DGKI: variants seen among roughly 807,000 people sequenced by gnomAD.
DGKI encodes DAG kinase iota.
In DGKI, 55 loss-of-function variants were observed where a neutral mutation model predicts 147.5. The ratio of observed to expected loss-of-function variants is 0.37; its 90% confidence interval spans 0.30 to 0.47. DGKI has a LOEUF of 0.47. Among genes scored for constraint, DGKI ranks in the 20% least tolerant of loss-of-function variants. The pLI, the probability that DGKI is intolerant of heterozygous loss-of-function variation, is 1.00. For synonymous variants in DGKI, 469 were observed against 477.1 expected, an observed-to-expected ratio of 0.98 and a Z score of 0.22; for missense variants, 1,007 against 1,323.8, an observed-to-expected ratio of 0.76 and a Z score of 3.71.
At chr7:137,404,227 A>G (rs913452716) in intron 30 of DGKI, among the ~76,000 whole-genome samples, 3 of 152,242 alleles carry the variant, frequency 2.0e-5, no homozygotes, top group African/African-American at 7.2e-5. Flanking sequence ...ATATAAACTG[A>G]ATCAGCAACT....
intron 24 of DGKI, among the ~76,000 whole-genome samples, chr7:137,468,901 A>G (rs1271605144): frequency 6.6e-6 from 1 of 152,218 alleles, no homozygotes; most frequent in Non-Finnish European, 1.5e-5. Context: ...TGGGTAGTAG[A>G]TACATTCGGT....
chr7:137,430,883 C>A (rs1326003855), intron 28 of DGKI, among the ~76,000 whole-genome samples: 1 of 151,948 alleles, frequency 6.6e-6, no homozygotes, highest in Non-Finnish European at 1.5e-5. Flanking sequence ...GCTGAGAGAA[C>A]CCCATTCAGG....
intron 27 of DGKI, among the ~76,000 whole-genome samples, chr7:137,444,701 C>T (rs1436096839): frequency 2.6e-5 from 4 of 152,218 alleles, no homozygotes; most frequent in African/African-American, 7.2e-5. Flanking sequence ...TTATCAACAA[C>T]TTTTGCAAAC....
chr7:137,778,534 T>A (rs1411659615), intron 1 of DGKI, among the ~76,000 whole-genome samples: 1 of 151,924 alleles, frequency 6.6e-6, no homozygotes, highest in Non-Finnish European at 1.5e-5. Context: ...TGTCTTCTGT[T>A]AATAGCAAAG....
chr7:137,402,778 T>G lies in DGKI; in HGVS notation c.2920+5097A>C, dbSNP rs373130832. On this transcript the variant is annotated intron_variant, in intron 30 of 32. Transcript: ENST00000614521. ...GCACAGATGTGGGGAGAGCTGGCAC[T>G]GGGAATGCTAACAGTACTGTCATCC... 2.6e-5 allele frequency among the ~76,000 whole-genome samples: 4 copies of G among 152,128 alleles called. No individual in the cohort carries two copies. In the East Asian group the frequency reaches 7.7e-4, roughly 29 times the overall value.
intron 6 of DGKI, among the ~76,000 whole-genome samples, chr7:137,629,253 A>G (rs1298900045): frequency 6.6e-6 from 1 of 152,200 alleles, no homozygotes; most frequent in Admixed American, 6.6e-5. Context: ...TATGTATTTT[A>G]TATTTCATCT....
intron 28 of DGKI, among the ~76,000 whole-genome samples, chr7:137,427,723 C>T (rs1259923543): frequency 1.3e-5 from 2 of 152,096 alleles, no homozygotes; most frequent in African/African-American, 2.4e-5. Context: ...GGGGATATCA[C>T]CACTGATCCC....
chr7:137,558,068 A>G (rs1014626875), intron 19 of DGKI, among the ~76,000 whole-genome samples: 4 of 152,178 alleles, frequency 2.6e-5, no homozygotes, highest in Admixed American at 6.5e-5. Flanking sequence ...TCTATCTCCT[A>G]TTGAATTATT....
intron 2 of DGKI, among the ~76,000 whole-genome samples, chr7:137,688,847 C>T (rs1429156676): frequency 1.3e-5 from 2 of 152,156 alleles, no homozygotes; most frequent in African/African-American, 2.4e-5. Context: ...ATTCAACAGG[C>T]TCAGGCAGCA....
In DGKI at chr7:137,678,557, T is replaced by C. The variant is rs763769243; in HGVS notation, c.606A>G (p.Ala202=). ...CCAGCAAGACGGAGCGCACACTCAC[T>C]GCAAATCTGACTTGGCAGTTCTCCT... ...LGEENCQVRF[A]KSALRRKCAV... The change falls in exon 3 of 33, where the codon GCA becomes GCG. Residue 202 remains alanine, a splice_region_variant and synonymous_variant. Transcript: ENST00000614521. 1.2e-6 allele frequency: 2 copies of C among 1,614,078 alleles called. No individual in the cohort carries two copies. Among genetic ancestry groups the C allele is most frequent in the Non-Finnish European group, 1.7e-6 (2 of 1,179,954 alleles).
chr7:137,734,511 C>A (rs1409944340), intron 1 of DGKI, among the ~76,000 whole-genome samples: 1 of 151,982 alleles, frequency 6.6e-6, no homozygotes, highest in Non-Finnish European at 1.5e-5. Context: ...AGTGCTTCCA[C>A]TGGGGAGAAC....
At chr7:137,661,830 T>C (rs1159200700) in intron 3 of DGKI, among the ~76,000 whole-genome samples, 2 of 152,122 alleles carry the variant, frequency 1.3e-5, no homozygotes, top group Admixed American at 1.3e-4. Flanking sequence ...GCGGGGCTAA[T>C]GGAATGCTTA....
chr7:137,773,223 A>G (rs958662852), intron 1 of DGKI, among the ~76,000 whole-genome samples: 2 of 152,236 alleles, frequency 1.3e-5, no homozygotes, highest in African/African-American at 4.8e-5. Flanking sequence ...GATTTATTTC[A>G]TATTAGCAAA....
intron 1 of DGKI, among the ~76,000 whole-genome samples, chr7:137,714,499 T>A (rs1794318847): frequency 6.6e-6 from 1 of 152,140 alleles, no homozygotes; most frequent in African/African-American, 2.4e-5. Flanking sequence ...GATATGGAAG[T>A]GGAGAAGGGC....
At chr7:137,550,197 G>A (rs1159185169) in intron 20 of DGKI, among the ~76,000 whole-genome samples, 5 of 146,880 alleles carry the variant, frequency 3.4e-5, no homozygotes, top group Non-Finnish European at 7.4e-5. Context: ...ACAGAGTCTC[G>A]CTCTGTTGCC....
chr7:137,532,695 G>A (rs1817382580), intron 20 of DGKI, among the ~76,000 whole-genome samples: 1 of 152,132 alleles, frequency 6.6e-6, no homozygotes, highest in East Asian at 1.9e-4. Context: ...GAATAATTGA[G>A]AGTCCTCTAA....
At chr7:137,758,055 T>G (rs1795743117) in intron 1 of DGKI, among the ~76,000 whole-genome samples, 1 of 152,224 alleles carries the variant, frequency 6.6e-6, no homozygotes, top group African/African-American at 2.4e-5. Flanking sequence ...TTAAGTTTCC[T>G]TTGTGCAAAA....
At chr7:137,428,755 A>G (rs1273470297) in intron 28 of DGKI, among the ~76,000 whole-genome samples, 2 of 152,268 alleles carry the variant, frequency 1.3e-5, no homozygotes, top group Admixed American at 1.3e-4. Flanking sequence ...TTATACACCA[A>G]TGACAGACAA....
At chr7:137,540,202 G>T (rs1817642898) in intron 20 of DGKI, among the ~76,000 whole-genome samples, 1 of 152,150 alleles carries the variant, frequency 6.6e-6, no homozygotes, top group African/African-American at 2.4e-5. Flanking sequence ...CAGATATGCT[G>T]ACAAAACACT....
Sources: gnomAD v4.1 joint callset for allele counts (sites outside exome capture counted in the v4.1 genomes callset) on GRCh38, gnomAD v4.1.1 for gene constraint, MANE v1.5 for transcripts, NCBI Gene and HGNC (gene_info 2026-07-23, HGNC 2026-07-21) for gene names.